The following CTNNA3 variants were observed in gnomAD, a reference collection of about 807,000 sequenced individuals.
The protein encoded by CTNNA3 is catenin alpha 3, also known as catenin alpha-3.
A neutral mutation model predicts 95.7 loss-of-function variants in CTNNA3; 76 were observed. The observed-to-expected ratio is 0.79, with a 90% CI of 0.66 to 0.96. CTNNA3 has a LOEUF of 0.96. Ranked by LOEUF, CTNNA3 falls within the 40% of genes least tolerant of loss-of-function variation. The pLI is 0.00. For missense variants in CTNNA3, 1,191 were observed against 1,089.8 expected (o/e 1.09, Z -1.31); for synonymous variants, 431 against 374.4 (o/e 1.15, Z -1.74).
rs116017493 is a variant in CTNNA3, at chr10:66,378,473, G to C, written c.1732+679C>G. Among the ~76,000 whole-genome samples, 135 of 152,258 alleles carry C rather than the reference G, an allele frequency of 8.9e-4. 1 individual carries two copies. Among genetic ancestry groups the C allele is most frequent in the African/African-American group, 3.1e-3 (129 of 41,566 alleles). On this transcript the variant is annotated intron_variant, in intron 12 of 17. Transcript: ENST00000433211. ...GCTATCATGACTTATAAAAATAGTT[G>C]ATTGTCCTCATTGTTTTTGAATCCA...
intron 5 of CTNNA3, among the ~76,000 whole-genome samples, chr10:67,322,621 C>A (rs1364590705): frequency 6.6e-6 from 1 of 152,174 alleles, no homozygotes; most frequent in Non-Finnish European, 1.5e-5. Context: ...TCCAGTCTAC[C>A]ATTCATAGGC....
chr10:66,174,933 A>T (rs548173568), intron 13 of CTNNA3, among the ~76,000 whole-genome samples: 1 of 152,298 alleles, frequency 6.6e-6, no homozygotes, highest in African/African-American at 2.4e-5. Flanking sequence ...GCTTAAAGTT[A>T]CACACACAAG....
chr10:65,986,655 G>T (rs1333027315), intron 16 of CTNNA3, among the ~76,000 whole-genome samples: 1 of 151,220 alleles, frequency 6.6e-6, no homozygotes, highest in Admixed American at 6.6e-5. Context: ...TACAGATTCA[G>T]TGTAACCCAT....
chr10:67,131,761 G>C (rs183527966), intron 7 of CTNNA3, among the ~76,000 whole-genome samples: 27 of 152,176 alleles, frequency 1.8e-4, no homozygotes, highest in Admixed American at 1.0e-3. Flanking sequence ...GTGGCTTGTA[G>C]ACATGCAACA....
intron 12 of CTNNA3, among the ~76,000 whole-genome samples, chr10:66,321,406 C>T (rs1297953956): frequency 6.6e-6 from 1 of 151,968 alleles, no homozygotes; most frequent in African/African-American, 2.4e-5. Flanking sequence ...GAGGGTTGGA[C>T]TTGGTGGAAA....
intron 9 of CTNNA3, among the ~76,000 whole-genome samples, chr10:66,673,370 T>C: frequency 6.6e-6 from 1 of 152,120 alleles, no homozygotes; most frequent in Non-Finnish European, 1.5e-5. Context: ...CTAAAAAATA[T>C]TGGGAAAAGA....
intron 12 of CTNNA3, among the ~76,000 whole-genome samples, chr10:66,331,256 A>C (rs2092324653): frequency 6.6e-6 from 1 of 151,066 alleles, no homozygotes; most frequent in Admixed American, 6.6e-5. Flanking sequence ...AGGTGTAAGG[A>C]AGGGATCCAG....
At chr10:66,449,656 C>G (rs1197940659) in intron 11 of CTNNA3, among the ~76,000 whole-genome samples, 2 of 152,032 alleles carry the variant, frequency 1.3e-5, no homozygotes, top group African/African-American at 4.8e-5. Context: ...GTAGTAACTA[C>G]TGCATTACCA....
chr10:65,933,978 T>C (rs937384721), intron 17 of CTNNA3, among the ~76,000 whole-genome samples: 4 of 152,122 alleles, frequency 2.6e-5, no homozygotes, highest in Non-Finnish European at 5.9e-5. Context: ...CTCTTACTTC[T>C]TAAGTGATGG....
At chr10:66,985,760 A>T (rs1015077622) in intron 7 of CTNNA3, among the ~76,000 whole-genome samples, 1 of 151,956 alleles carries the variant, frequency 6.6e-6, no homozygotes, top group African/African-American at 2.4e-5. Flanking sequence ...ACAGAGTCTC[A>T]CTCTATCACC....
intron 11 of CTNNA3, 55 bp downstream of exon 11, chr10:66,520,562 C>T (rs1320589707): frequency 6.6e-7 from 1 of 1,514,520 alleles, no homozygotes; most frequent in South Asian, 1.2e-5. Flanking sequence ...CAGTATTATT[C>T]TATTTTATAA....
chr10:66,578,137 G>A (rs2132185886), intron 10 of CTNNA3, among the ~76,000 whole-genome samples: 1 of 151,986 alleles, frequency 6.6e-6, no homozygotes, highest in African/African-American at 2.4e-5. Flanking sequence ...GACATTATTG[G>A]TGTATAGAAA....
chr10:67,032,323 G>A (rs1267797331), intron 7 of CTNNA3, among the ~76,000 whole-genome samples: 7 of 152,048 alleles, frequency 4.6e-5, no homozygotes, highest in South Asian at 2.1e-4. Context: ...ACTGACATAT[G>A]AAAACTATCC....
chr10:66,728,964 A>G (rs7914410), intron 9 of CTNNA3, among the ~76,000 whole-genome samples: 1 of 152,102 alleles, frequency 6.6e-6, no homozygotes, highest in Admixed American at 6.5e-5. Context: ...AATTTTCTGC[A>G]TATGACTAGC....
chr10:67,585,795 T>A (rs1564762662), intron 3 of CTNNA3, among the ~76,000 whole-genome samples: 1 of 152,134 alleles, frequency 6.6e-6, no homozygotes, highest in Non-Finnish European at 1.5e-5. Context: ...TTTGTTGATC[T>A]TTTGTATTTT....
intron 7 of CTNNA3, among the ~76,000 whole-genome samples, chr10:66,905,061 C>A (rs151161525): frequency 2.0e-5 from 3 of 152,278 alleles, no homozygotes; most frequent in African/African-American, 7.2e-5. Flanking sequence ...ACTATAAAGA[C>A]ACATGCACAC....
intron 1 of CTNNA3, among the ~76,000 whole-genome samples, chr10:67,747,024 T>C (rs991305084): frequency 1.3e-5 from 2 of 152,156 alleles, no homozygotes; most frequent in African/African-American, 4.8e-5. Flanking sequence ...CACAGCCAGA[T>C]TGCCTCTTTA....
intron 8 of CTNNA3, among the ~76,000 whole-genome samples, chr10:66,774,119 T>C (rs899868625): frequency 1.3e-5 from 2 of 152,156 alleles, no homozygotes; most frequent in African/African-American, 2.4e-5. Flanking sequence ...GAAGTATAAA[T>C]GTAGATTAGC....
intron 1 of CTNNA3, among the ~76,000 whole-genome samples, chr10:67,737,104 C>A (rs1351910417): frequency 1.3e-5 from 2 of 152,044 alleles, no homozygotes; most frequent in African/African-American, 2.4e-5. Flanking sequence ...GCTGGGATTA[C>A]AGGCACACAC....
Sources: allele counts gnomAD v4.1 joint callset (sites outside exome capture counted in the v4.1 genomes callset), GRCh38; gene constraint gnomAD v4.1.1; transcripts MANE v1.5; gene names NCBI Gene and HGNC (gene_info 2026-07-23, HGNC 2026-07-21).